DNMT3B: variants seen among roughly 807,000 people sequenced by gnomAD.
The protein encoded by DNMT3B is DNA methyltransferase 3 beta.
A neutral mutation model predicts 120.2 loss-of-function variants in DNMT3B; 37 were observed. That is an observed-to-expected ratio of 0.31 (90% CI 0.24 to 0.40). DNMT3B has a LOEUF of 0.40. DNMT3B is among the 10% of genes least tolerant of loss of function. The probability of loss-of-function intolerance (pLI) is 1.00; values close to 1 mark genes in which losing one functional copy is unlikely to be tolerated. For synonymous variants in DNMT3B, 412 were observed against 442.8 expected (o/e 0.93, Z 0.87); for missense variants, 878 against 1,137.3 (o/e 0.77, Z 3.28).
chr20:32,785,411 C>T (rs1163914307), intron 4 of DNMT3B, among the ~76,000 whole-genome samples: 1 of 152,056 alleles, frequency 6.6e-6, no homozygotes, highest in Non-Finnish European at 1.5e-5. Flanking sequence ...CTTGGAGGTG[C>T]CTAGGGGTGA....
chr20:32,777,510 C>T (rs770951887), intron 1 of DNMT3B, among the ~76,000 whole-genome samples: 1 of 152,176 alleles, frequency 6.6e-6, no homozygotes, highest in Non-Finnish European at 1.5e-5. Context: ...AAGGAGGTCA[C>T]ATCCTTCACT....
Position 32,809,084 on chromosome 20 carries a change from A to G in DNMT3B, c.*1181A>G, listed in dbSNP as rs903353686. Reference sequence around the variant, plus strand: ...CAGAAATGCTGTCATAATGGTTTTTAACACCTTTTACTCTTCTTACTGGTG... The same window carrying G: ...CAGAAATGCTGTCATAATGGTTTTTGACACCTTTTACTCTTCTTACTGGTG... On this transcript the variant is annotated 3_prime_UTR_variant, in exon 23 of 23. Coordinates refer to ENST00000328111, the MANE Select transcript of DNMT3B (RefSeq NM_006892.4). 30 of 216,842 alleles carry G rather than the reference A, an allele frequency of 1.4e-4. No homozygotes were observed. Among genetic ancestry groups the G allele is most frequent in the South Asian group, 5.6e-4 (3 of 5,392 alleles). The allele number at this position is 216,842 out of a possible 1,614,324, so 13.4% of individuals were successfully genotyped here. A position where few individuals can be genotyped will look rare whatever the true frequency, so the allele number is the denominator to read the frequency against.
At chr20:32,795,941 C>T (rs1014114770) in intron 12 of DNMT3B, among the ~76,000 whole-genome samples, 5 of 152,186 alleles carry the variant, frequency 3.3e-5, no homozygotes, top group East Asian at 3.9e-4. Context: ...CCATTTTGGC[C>T]GGGAGAGCCA....
intron 14 of DNMT3B, among the ~76,000 whole-genome samples, chr20:32,798,013 C>T (rs1415559168): frequency 6.6e-6 from 1 of 151,974 alleles, no homozygotes; most frequent in Non-Finnish European, 1.5e-5. Flanking sequence ...ATAAACGCTG[C>T]CTCGGCTGGT....
rs760283600 is a variant in DNMT3B at position 32,795,464 on chromosome 20, C to T, written c.1182C>T (p.Pro394=). The change falls in exon 11 of 23, where the codon CCC becomes CCT. Residue 394 remains proline (P), a synonymous_variant. Coordinates refer to ENST00000328111, the MANE Select transcript of DNMT3B (RefSeq NM_006892.4). The part of the protein sequence containing the change: ...ADDSATSDYC[P]APKRLKTNCY... ...ACTCAGCCACCTCTGACTACTGCCC[C>T]GCACCCAAGCGCCTCAAGACAAATT... 1.1e-5 allele frequency: 17 copies of T among 1,614,030 alleles called. No homozygotes were observed. The highest frequency in any genetic ancestry group is 4.0e-5 in the African/African-American group (3 of 74,888).
chr20:32,785,069 C>T (rs1051690135), intron 4 of DNMT3B, among the ~76,000 whole-genome samples: 3 of 150,666 alleles, frequency 2.0e-5, no homozygotes, highest in African/African-American at 7.4e-5. Flanking sequence ...CGGAGTCTCA[C>T]TGTGTTGCCC....
rs1980530607 is a variant in DNMT3B, at chr20:32,795,668, T to A, written c.1271T>A (p.Val424Asp). Residue 424 changes from valine (V) to aspartate (D), a missense_variant, in exon 12 of 23, where the codon GTT becomes GAT. By Grantham distance (152) the Val-to-Asp change is radical (BLOSUM62 -3). This residue lies in a region of DNMT3B where 207 missense variants were observed against 222.6 expected (regional missense o/e 0.93). Transcript: ENST00000328111. ...DQSREQMASD[V>D]ANNKSSLEDG... ...TCAATAGAACAAATGGCTTCAGATG[T>A]TGCCAACAACAAGAGCAGCCTGGAA... is the stretch of plus-strand genomic sequence containing the variant. 1.9e-6 allele frequency: 3 copies of A among 1,614,154 alleles called. No individual in the cohort carries two copies. Among genetic ancestry groups the A allele is most frequent in the Non-Finnish European group, 2.5e-6 (3 of 1,180,024 alleles).
chr20:32,794,781 C>T (rs1037094333), intron 10 of DNMT3B, among the ~76,000 whole-genome samples: 11 of 152,140 alleles, frequency 7.2e-5, no homozygotes, highest in Non-Finnish European at 2.9e-5. Context: ...CAAAATTTCA[C>T]TTATTTTATA....
chr20:32,780,851 G>A (rs764417953), intron 2 of DNMT3B, among the ~76,000 whole-genome samples: 50 of 152,152 alleles, frequency 3.3e-4, no homozygotes, highest in Non-Finnish European at 5.4e-4. Flanking sequence ...ACCCTGCCCT[G>A]AGCAGCTCCA....
chr20:32,786,206 C>A (rs1337140604), intron 4 of DNMT3B, among the ~76,000 whole-genome samples: 5 of 152,226 alleles, frequency 3.3e-5, no homozygotes, highest in Non-Finnish European at 5.9e-5. Context: ...ATTTTTCAAT[C>A]CCAATTGGCA....
Position 32,808,223 on chromosome 20 carries a change from C to A in DNMT3B, c.*320C>A. 2 of 424,010 alleles carry A rather than the reference C, an allele frequency of 4.7e-6. No homozygotes were observed. Among genetic ancestry groups the A allele is most frequent in the South Asian group, 5.1e-5 (2 of 39,204 alleles). 26.3% of individuals were successfully genotyped at this position (424,010 alleles called of 1,614,324 possible). ...TTTTTCCCTTCCTGGGTCTACCACT[C>A]AGAGAAACAATGGCTAAGATACCAA... is the stretch of plus-strand genomic sequence containing the variant. On this transcript the variant is annotated 3_prime_UTR_variant, in exon 23 of 23. Transcript: ENST00000328111.
intron 1 of DNMT3B, among the ~76,000 whole-genome samples, chr20:32,769,998 C>T (rs950196269): frequency 2.6e-5 from 4 of 152,170 alleles, no homozygotes; most frequent in Admixed American, 2.0e-4. Flanking sequence ...TTCAGTACTA[C>T]AATCACAGCT....
chr20:32,777,557 A>G (rs938922772), intron 1 of DNMT3B, among the ~76,000 whole-genome samples: 3 of 152,140 alleles, frequency 2.0e-5, no homozygotes, highest in African/African-American at 7.2e-5. Flanking sequence ...CTGGCCACAA[A>G]CAAACCCTGT....
At chr20:32,766,151 C>T (rs1987353815) in intron 1 of DNMT3B, among the ~76,000 whole-genome samples, 1 of 152,112 alleles carries the variant, frequency 6.6e-6, no homozygotes, top group Non-Finnish European at 1.5e-5. Flanking sequence ...CAAGACCAGC[C>T]TGGCCAACGT....
chr20:32,778,266 G>A (rs1988167689), intron 1 of DNMT3B, among the ~76,000 whole-genome samples: 1 of 152,062 alleles, frequency 6.6e-6, no homozygotes, highest in African/African-American at 2.4e-5. Flanking sequence ...AACCTGGGAG[G>A]CAGAGGTTGC....
intron 1 of DNMT3B, among the ~76,000 whole-genome samples, chr20:32,763,193 C>T (rs914532739): frequency 7.2e-5 from 11 of 152,242 alleles, no homozygotes; most frequent in East Asian, 3.9e-4. Context: ...GCGTCCGCCC[C>T]TTGCAACTGG....
intron 1 of DNMT3B, among the ~76,000 whole-genome samples, chr20:32,774,500 C>T (rs1216579522): frequency 4.2e-5 from 6 of 143,716 alleles, no homozygotes; most frequent in Admixed American, 3.6e-4. Context: ...TGAGCCACCG[C>T]GCCTGGCCTT....
rs1454098235 is a variant in DNMT3B, at chr20:32,762,517, G to C, written c.-189G>C. On this transcript the variant is annotated 5_prime_UTR_variant, in exon 1 of 23. Transcript: ENST00000328111. ...GACCGGCTCCCTGGCGGTCGGGCGA[G>C]CGGGCGGCAACGCTGCCCGGCCGGC... 9.9e-6 allele frequency: 3 copies of C among 302,716 alleles called. No individual in the cohort carries two copies. The highest frequency in any genetic ancestry group is 2.0e-5 in the Non-Finnish European group (3 of 146,546). 18.8% of individuals were successfully genotyped at this position (302,716 alleles called of 1,614,324 possible).
intron 2 of DNMT3B, among the ~76,000 whole-genome samples, chr20:32,781,078 C>G (rs1460014241): frequency 6.6e-6 from 1 of 152,222 alleles, no homozygotes; most frequent in African/African-American, 2.4e-5. Flanking sequence ...CCTGGATGGG[C>G]AGCACCCTGC....
Sources: allele counts gnomAD v4.1 joint callset (sites outside exome capture counted in the v4.1 genomes callset), GRCh38; gene constraint gnomAD v4.1.1; regional missense constraint gnomAD v4.1.1; transcripts MANE v1.5; gene names NCBI Gene and HGNC (gene_info 2026-07-23, HGNC 2026-07-21).